Variants in RAP1GAP2 observed in about 807,000 individuals in gnomAD.
The protein encoded by RAP1GAP2 is rap1 GTPase-activating protein 2.
In RAP1GAP2, 27 loss-of-function variants were observed where a neutral mutation model predicts 95.0. The ratio of observed to expected loss-of-function variants is 0.28; its 90% CI spans 0.21 to 0.39. The LOEUF is 0.39. RAP1GAP2 is among the 10% of genes least tolerant of loss of function. RAP1GAP2 has a pLI of 1.00. For synonymous variants in RAP1GAP2, 373 were observed against 380.9 expected (o/e 0.98, Z 0.24); for missense variants, 771 against 970.0 (o/e 0.79, Z 2.72).
chr17:3,009,407 C>T (rs1181032152), intron 17 of RAP1GAP2, among the ~76,000 whole-genome samples: 3 of 152,176 alleles, frequency 2.0e-5, no homozygotes, highest in Non-Finnish European at 2.9e-5. Flanking sequence ...ATAGTTCATA[C>T]TCAGTTTTAA....
At chr17:2,977,351 C>T (rs1443690309) in intron 8 of RAP1GAP2, among the ~76,000 whole-genome samples, 1 of 152,082 alleles carries the variant, frequency 6.6e-6, no homozygotes, top group Non-Finnish European at 1.5e-5. Flanking sequence ...AATTAGTACG[C>T]AAAAGTATCC....
At chr17:2,779,700 G>A (rs2068592918) in intron 1 of RAP1GAP2, among the ~76,000 whole-genome samples, 1 of 151,692 alleles carries the variant, frequency 6.6e-6, no homozygotes, top group Non-Finnish European at 1.5e-5. Flanking sequence ...GAGGAGTGGA[G>A]GGAGGGTGGA....
At position 2,905,322 on chromosome 17, in the gene RAP1GAP2, C is replaced by G; in HGVS notation, c.119C>G (p.Pro40Arg). ...GCCAACAGCTCGGATGCGACCCTCC[C>G]AGACCGGCCGCTCTCCCCTCCTCTC... ...ELANSSDATLPDRPLSPPLTA... is the reference protein window; with the variant it reads ...ELANSSDATLRDRPLSPPLTA... Residue 40 changes from proline to arginine, a missense_variant, in exon 3 of 25, where the codon CCA becomes CGA. Pro to Arg is a moderately radical substitution (Grantham distance 103). Coordinates refer to ENST00000254695, the MANE Select transcript of RAP1GAP2 (RefSeq NM_015085.5). 6.2e-7 allele frequency: 1 copy of G among 1,613,856 alleles called. No homozygotes were observed. The highest frequency in any genetic ancestry group is 8.5e-7 in the Non-Finnish European group (1 of 1,179,810).
At chr17:2,920,907 T>G (rs1255937426) in intron 3 of RAP1GAP2, among the ~76,000 whole-genome samples, 1 of 152,196 alleles carries the variant, frequency 6.6e-6, no homozygotes, top group Non-Finnish European at 1.5e-5. Flanking sequence ...GAGTGTCATT[T>G]ACCCGACACT....
intron 2 of RAP1GAP2, among the ~76,000 whole-genome samples, chr17:2,888,274 G>A (rs1002738225): frequency 2.6e-5 from 4 of 151,940 alleles, no homozygotes; most frequent in African/African-American, 9.7e-5. Flanking sequence ...CTTTGTATTG[G>A]GAACGTTCAA....
chr17:2,933,631 C>T (rs920922042), intron 3 of RAP1GAP2, among the ~76,000 whole-genome samples: 6 of 152,244 alleles, frequency 3.9e-5, no homozygotes, highest in African/African-American at 1.4e-4. Flanking sequence ...CAGCCCCCTG[C>T]TCACTTTCCT....
intron 2 of RAP1GAP2, among the ~76,000 whole-genome samples, chr17:2,893,395 G>A (rs184040234): frequency 6.6e-6 from 1 of 152,260 alleles, no homozygotes; most frequent in East Asian, 1.9e-4. Context: ...AATGCGTGTG[G>A]TCAGTCTGAC....
intron 3 of RAP1GAP2, among the ~76,000 whole-genome samples, chr17:2,921,555 C>G (rs535150366): frequency 5.4e-4 from 82 of 152,282 alleles, no homozygotes; most frequent in African/African-American, 1.6e-3. Context: ...ATTAAGGTGT[C>G]AGCAGGGCCG....
rs2047179026 is a variant in RAP1GAP2 at position 3,027,924 on chromosome 17, C to A, written c.2107+854C>A. Among the ~76,000 whole-genome samples, 1 of 151,976 alleles carries A rather than the reference C, an allele frequency of 6.6e-6. No homozygotes were observed. The highest frequency in any genetic ancestry group is 1.5e-5 in the Non-Finnish European group (1 of 67,976). On this transcript the variant is annotated intron_variant, in intron 22 of 24. Coordinates refer to ENST00000254695, the MANE Select transcript of RAP1GAP2 (RefSeq NM_015085.5). The surrounding 1 kb of genome is among the most constrained non-coding windows in gnomAD (Gnocchi z 5.2). ...TGGGCGTTTTGGGGTTCTGTGATCCCTGCAGTTGGTCAGAATAGGGGGGCC... is the reference window on the plus strand; with the variant it reads ...TGGGCGTTTTGGGGTTCTGTGATCCATGCAGTTGGTCAGAATAGGGGGGCC...
intron 17 of RAP1GAP2, among the ~76,000 whole-genome samples, chr17:3,014,825 G>A (rs553673232): frequency 6.6e-6 from 1 of 152,250 alleles, no homozygotes; most frequent in African/African-American, 2.4e-5. Flanking sequence ...CCAAAGTGTT[G>A]GGATTACAGG....
rs2047227110 is a variant in RAP1GAP2, at chr17:3,029,539, A to G, written c.2108-1383A>G. ...GAGGTGGCCTGACGTCCTGACGTACAGTCTCCATAATGTCAGATATCTGAT... is the reference window on the plus strand; with the variant it reads ...GAGGTGGCCTGACGTCCTGACGTACGGTCTCCATAATGTCAGATATCTGAT... On this transcript the variant is annotated intron_variant, in intron 22 of 24. Transcript: ENST00000254695. This position sits in a 1 kb window ranked among gnomAD's most constrained non-coding sequence, Gnocchi z 4.4. 6.6e-6 allele frequency among the ~76,000 whole-genome samples: 1 copy of G among 152,156 alleles called. No individual in the cohort carries two copies. Among genetic ancestry groups the G allele is most frequent in the Admixed American group, 6.5e-5 (1 of 15,270 alleles).
chr17:2,780,764 A>G (rs1174435348), intron 1 of RAP1GAP2, among the ~76,000 whole-genome samples: 1 of 152,188 alleles, frequency 6.6e-6, no homozygotes, highest in Non-Finnish European at 1.5e-5. Flanking sequence ...ATTTGTTTTT[A>G]ATAAGTTTAA....
intron 2 of RAP1GAP2, among the ~76,000 whole-genome samples, chr17:2,837,734 G>A (rs1327963008): frequency 6.6e-6 from 1 of 151,492 alleles, no homozygotes; most frequent in East Asian, 1.9e-4. Flanking sequence ...AGCCTCCTGA[G>A]TAGCTGGGAC....
intron 2 of RAP1GAP2, among the ~76,000 whole-genome samples, chr17:2,813,768 G>T (rs370969966): frequency 6.6e-6 from 1 of 151,850 alleles, no homozygotes; most frequent in African/African-American, 2.4e-5. Flanking sequence ...GAGACCAGCC[G>T]GGCCAACATG....
intron 2 of RAP1GAP2, chr17:2,854,049 C>G (rs546664011): frequency 1.1e-5 from 11 of 985,214 alleles, no homozygotes; most frequent in South Asian, 4.7e-5. Flanking sequence ...TCCGCGCCGC[C>G]GTGGTGCTCA....
intron 2 of RAP1GAP2, among the ~76,000 whole-genome samples, chr17:2,861,544 T>C (rs146052488): frequency 1.3e-5 from 2 of 150,506 alleles, no homozygotes. Flanking sequence ...CTGGGTTCAC[T>C]GCAACCTCTG....
intron 3 of RAP1GAP2, among the ~76,000 whole-genome samples, chr17:2,945,287 C>G (rs60335923): frequency 2.0e-5 from 3 of 151,966 alleles, no homozygotes; most frequent in African/African-American, 7.3e-5. Flanking sequence ...GATTGTGTCT[C>G]TCCGATTGTT....
intron 7 of RAP1GAP2, chr17:2,964,802 A>T (rs971357238): frequency 2.6e-5 from 4 of 152,400 alleles, no homozygotes; most frequent in African/African-American, 9.7e-5. Flanking sequence ...ACAAAGTTAA[A>T]TTTAAAAGAA....
chr17:2,962,842 C>T lies in RAP1GAP2; in HGVS notation c.246+128C>T, dbSNP rs193219210. The stretch of plus-strand genomic sequence containing the variant: ...ACCTGTCTAACTCTGACTCGCACCA[C>T]GGGCCGCTTCACGACTGCCTTGTTA... On this transcript the variant is annotated intron_variant, in intron 5 of 24. Coordinates refer to ENST00000254695, the MANE Select transcript of RAP1GAP2 (RefSeq NM_015085.5). 69 of 905,722 alleles carry T rather than the reference C, an allele frequency of 7.6e-5. No homozygotes were observed. The East Asian group carries it at 1.4e-3, about 19-fold the overall frequency. 56.1% of individuals were successfully genotyped at this position (905,722 alleles called of 1,614,324 possible). A position where few individuals can be genotyped will look rare whatever the true frequency, so the allele number is the denominator to read the frequency against.
Sources: gnomAD v4.1 joint callset for allele counts (sites outside exome capture counted in the v4.1 genomes callset) on GRCh38, gnomAD v4.1.1 for gene constraint, Gnocchi (gnomAD v3.1) non-coding constraint, MANE v1.5 for transcripts, NCBI Gene and HGNC (gene_info 2026-07-23, HGNC 2026-07-21) for gene names.